Variants in COL4A2 observed in about 807,000 individuals in gnomAD.
COL4A2 encodes collagen alpha-2(IV) chain.
Under a neutral mutation model 200.2 loss-of-function variants are expected in COL4A2, and 99 were observed. The ratio of observed to expected loss-of-function variants is 0.49; its 90% CI spans 0.42 to 0.58. The LOEUF (loss-of-function observed/expected upper bound fraction) is 0.58. COL4A2 is among the 20% of genes least tolerant of loss of function. The pLI, the probability that COL4A2 is intolerant of heterozygous loss-of-function variation, is 0.00. For synonymous variants in COL4A2, 897 were observed against 900.6 expected (o/e 1.00, Z 0.07); for missense variants, 1,950 against 2,314.1 (o/e 0.84, Z 3.23).
rs768594792 is a variant in COL4A2, at chr13:110,506,616, TC to T, written c.4594+13del. ...CACAACCAGGACCTGGGTAGGTACCTCCCACCCGGCCCCCGTTGCCTGCTCA... is the reference window on the plus strand; with the variant it reads ...CACAACCAGGACCTGGGTAGGTACCTCCACCCGGCCCCCGTTGCCTGCTCA... On this transcript the variant is annotated intron_variant, in intron 46 of 47. Coordinates refer to ENST00000360467, the MANE Select transcript of COL4A2 (RefSeq NM_001846.4). 6.3e-7 allele frequency: 1 copy of T among 1,595,654 alleles called. No homozygotes were observed. The highest frequency in any genetic ancestry group is 1.1e-5 in the South Asian group (1 of 88,318).
intron 4 of COL4A2, among the ~76,000 whole-genome samples, chr13:110,391,406 G>A (rs1046778681): frequency 6.6e-6 from 1 of 152,202 alleles, no homozygotes; most frequent in Non-Finnish European, 1.5e-5. Flanking sequence ...CCGGCAGCCG[G>A]GGTTCCAGCA....
intron 4 of COL4A2, among the ~76,000 whole-genome samples, chr13:110,360,200 A>C (rs1047697977): frequency 1.3e-5 from 2 of 152,196 alleles, no homozygotes; most frequent in Non-Finnish European, 1.5e-5. Flanking sequence ...TATCTGTGAG[A>C]CTAGCTGTGT....
intron 41 of COL4A2, 114 bp downstream of exon 41, chr13:110,501,898 G>A (rs1047097930): frequency 7.3e-5 from 76 of 1,039,598 alleles, no homozygotes; most frequent in Non-Finnish European, 8.1e-5. Context: ...CCCAGACTCC[G>A]GTCAAAGAGG....
At chr13:110,456,667 G>A (rs1303826340) in intron 20 of COL4A2, 1 of 430,040 alleles carries the variant, frequency 2.3e-6, no homozygotes, top group Non-Finnish European at 4.8e-6. Context: ...GGATCATTTG[G>A]GGAGGCTTGG....
intron 4 of COL4A2, among the ~76,000 whole-genome samples, chr13:110,363,415 G>C (rs1373267180): frequency 1.3e-5 from 2 of 152,186 alleles, no homozygotes; most frequent in African/African-American, 4.8e-5. Flanking sequence ...AGCCTCACCA[G>C]ATTTCTTAAA....
At position 110,445,859 on chromosome 13, in the gene COL4A2, C is replaced by T; in HGVS notation, c.988C>T (p.Pro330Ser). ...CCGAGGCCTGGATGGCTATCAAGGG[C>T]CTGATGGACCCCGGGGACCCAAGGT... ...GSRGLDGYQG[P>S]DGPRGPKGEA... Residue 330 changes from proline (P) to serine (S), a missense_variant, in exon 17 of 48, where the codon CCT becomes TCT. Transcript: ENST00000360467. The T allele has an allele frequency of 1.1e-5, 17 of 1,614,108 alleles. No homozygotes were observed. Among genetic ancestry groups the T allele is most frequent in the Non-Finnish European group, 1.4e-5 (16 of 1,180,018 alleles).
At chr13:110,353,117 G>A (rs946072714) in intron 3 of COL4A2, among the ~76,000 whole-genome samples, 14 of 152,338 alleles carry the variant, frequency 9.2e-5, no homozygotes, top group African/African-American at 3.4e-4. Context: ...TCTTTCATGA[G>A]CCTGTGATTG....
intron 21 of COL4A2, chr13:110,457,953 C>G: frequency 2.6e-6 from 1 of 389,808 alleles, no homozygotes; most frequent in South Asian, 1.9e-5. Flanking sequence ...GCACCTGACC[C>G]TTTCCAGTCA....
chr13:110,510,562 G>A (rs935006705), intron 47 of COL4A2, among the ~76,000 whole-genome samples: 1 of 152,240 alleles, frequency 6.6e-6, no homozygotes, highest in African/African-American at 2.4e-5. Context: ...GCGTGTGCCT[G>A]GACTGTGTGC....
intron 3 of COL4A2, among the ~76,000 whole-genome samples, chr13:110,332,570 G>A (rs1875975152): frequency 6.6e-6 from 1 of 152,312 alleles, no homozygotes; most frequent in African/African-American, 2.4e-5. Flanking sequence ...TCTTGAGTTT[G>A]AACATTGATG....
chr13:110,485,037 C>A lies in COL4A2; in HGVS notation c.3025+10C>A. 1.3e-6 allele frequency: 2 copies of A among 1,579,068 alleles called. No homozygotes were observed. Among genetic ancestry groups the A allele is most frequent in the Non-Finnish European group, 1.7e-6 (2 of 1,157,138 alleles). ...TACCTGGGCGCAAAAGGTGAGGCTT[C>A]TGACCTGCAGCCAGGGGCCCCTAGT... On this transcript the variant is annotated intron_variant, in intron 33 of 47. Transcript: ENST00000360467.
At chr13:110,489,348 G>C (rs1223200038) in intron 34 of COL4A2, 97 bp from the exon 35 acceptor site, 1 of 1,195,926 alleles carries the variant, frequency 8.4e-7, no homozygotes, top group Non-Finnish European at 1.2e-6. Context: ...CTTGAGTATT[G>C]TCGTTAGCAT....
At chr13:110,373,643 C>T (rs1462656614) in intron 4 of COL4A2, among the ~76,000 whole-genome samples, 1 of 152,238 alleles carries the variant, frequency 6.6e-6, no homozygotes, top group East Asian at 1.9e-4. Context: ...ACTGCTTACA[C>T]ATGCTTGGTT....
intron 16 of COL4A2, among the ~76,000 whole-genome samples, chr13:110,443,203 T>C (rs1451884159): frequency 6.6e-6 from 1 of 152,252 alleles, no homozygotes; most frequent in Non-Finnish European, 1.5e-5. Context: ...GCAGGGTTTC[T>C]TTGCAGAGGC....
chr13:110,352,595 GCC>G (rs1390118201), intron 3 of COL4A2, among the ~76,000 whole-genome samples: 2 of 152,180 alleles, frequency 1.3e-5, no homozygotes, highest in African/African-American at 4.8e-5. Context: ...GGACCTCCCA[GCC>G]CCTTGCCCTT....
intron 32 of COL4A2, among the ~76,000 whole-genome samples, chr13:110,483,348 TGGC>T (rs1264751954): frequency 6.6e-6 from 1 of 152,180 alleles, no homozygotes; most frequent in Non-Finnish European, 1.5e-5. Flanking sequence ...CCAAACAGTT[TGGC>T]AGTTCATTAA....
intron 3 of COL4A2, among the ~76,000 whole-genome samples, chr13:110,354,716 A>G (rs1820265459): frequency 6.6e-6 from 1 of 151,846 alleles, no homozygotes; most frequent in Non-Finnish European, 1.5e-5. Context: ...AAACTCTCAG[A>G]TGAGAGTTCT....
At chr13:110,492,301 C>A in intron 38 of COL4A2, 124 bp downstream of exon 38, 1 of 806,498 alleles carries the variant, frequency 1.2e-6, no homozygotes. Context: ...AAAGGCAGGT[C>A]TGCTGTGGCT....
chr13:110,485,888 C>T, intron 34 of COL4A2, 52 bp downstream of exon 34: 1 of 1,600,004 alleles, frequency 6.2e-7, no homozygotes, highest in South Asian at 1.1e-5. Context: ...CTCCCCTTTG[C>T]TTGTGAATGG....
Sources: gnomAD v4.1 joint callset for allele counts (sites outside exome capture counted in the v4.1 genomes callset) on GRCh38, gnomAD v4.1.1 for gene constraint, MANE v1.5 for transcripts, NCBI Gene and HGNC (gene_info 2026-07-23, HGNC 2026-07-21) for gene names.